CLCA4: variants seen among roughly 807,000 people sequenced by gnomAD.
CLCA4 encodes chloride channel accessory 4.
CLCA4 carries 69 observed loss-of-function variants against 78.9 expected under a neutral mutation model. The observed-to-expected ratio is 0.87, with a 90% CI of 0.72 to 1.07. CLCA4 has a LOEUF of 1.07. Among genes scored for constraint, CLCA4 ranks in the 50% least tolerant of loss-of-function variants. The pLI is 0.00. For missense variants in CLCA4, 1,133 were observed against 1,095.8 expected (o/e 1.03, Z -0.48); for synonymous variants, 362 against 375.8 (o/e 0.96, Z 0.42).
rs1447870863 is a variant in CLCA4 at position 86,574,742 on chromosome 1, C to T, written c.1670C>T (p.Pro557Leu). 4 of 1,611,744 alleles carry T rather than the reference C, an allele frequency of 2.5e-6. No individual in the cohort carries two copies. Among genetic ancestry groups the T allele is most frequent in the Non-Finnish European group, 3.4e-6 (4 of 1,178,250 alleles). Reference sequence around the variant, plus strand: ...TCCAAAATGGCCTATCTCAGTATTCCAGGAACTGCAAAGGTAAGCAATCAG... The same window carrying T: ...TCCAAAATGGCCTATCTCAGTATTCTAGGAACTGCAAAGGTAAGCAATCAG... ...ATSKMAYLSIPGTAKVGTWAY... is the reference protein window; with the variant it reads ...ATSKMAYLSILGTAKVGTWAY... The change falls in exon 10 of 14, where the codon CCA becomes CTA. Residue 557 changes from proline (P) to leucine (L), a missense_variant. By Grantham distance (98) the Pro-to-Leu change is moderately conservative. Transcript: ENST00000370563.
intron 6 of CLCA4, among the ~76,000 whole-genome samples, chr1:86,566,957 G>A (rs1650209889): frequency 6.6e-6 from 1 of 151,988 alleles, no homozygotes; most frequent in African/African-American, 2.4e-5. Context: ...ATGAAGCTTG[G>A]GTAAGTATTA....
chr1:86,568,640 T>C (rs1650267687), intron 7 of CLCA4, among the ~76,000 whole-genome samples: 1 of 151,944 alleles, frequency 6.6e-6, no homozygotes, highest in Non-Finnish European at 1.5e-5. Context: ...TTCTCCCCTC[T>C]TGATGCTCTG....
Position 86,565,280 on chromosome 1 carries a change from C to G in CLCA4, c.564C>G (p.Ser188=). The G allele has an allele frequency of 6.3e-7, 1 of 1,587,650 alleles. No individual in the cohort carries two copies. The highest frequency in any genetic ancestry group is 1.7e-4 in the Middle Eastern group (1 of 5,920). The part of the protein sequence containing the change: ...KSKKIEATRC[S]AGISGRNRVY... ...AACTGTCATATATTTTCAGGTGTTC[C>G]GCAGGTATCTCTGGTAGAAATAGAG... The change falls in exon 5 of 14, where the codon TCC becomes TCG. Residue 188 remains serine, a synonymous_variant. Coordinates refer to ENST00000370563, the MANE Select transcript of CLCA4 (RefSeq NM_012128.4).
chr1:86,549,468 G>A (rs1649594367), intron 1 of CLCA4, among the ~76,000 whole-genome samples: 1 of 152,158 alleles, frequency 6.6e-6, no homozygotes, highest in Admixed American at 6.6e-5. Context: ...TCTCATGCAT[G>A]TTCAGGAATC....
At chr1:86,551,497 T>C (rs1217752125) in intron 1 of CLCA4, among the ~76,000 whole-genome samples, 1 of 152,136 alleles carries the variant, frequency 6.6e-6, no homozygotes, top group African/African-American at 2.4e-5. Context: ...TGCAGGCACC[T>C]CCAGCTCACT....
At chr1:86,566,160 T>C in intron 6 of CLCA4, 140 bp downstream of exon 6, 1 of 567,408 alleles carries the variant, frequency 1.8e-6, no homozygotes, top group African/African-American at 1.9e-5. Context: ...GACTTCAAGA[T>C]ACTGCAGCAA....
chr1:86,560,963 A>C (rs182785287), intron 3 of CLCA4, among the ~76,000 whole-genome samples: 1 of 152,346 alleles, frequency 6.6e-6, no homozygotes, highest in African/African-American at 2.4e-5. Context: ...CTTTACAGAC[A>C]AAAATGCAAA....
At chr1:86,548,434 A>T (rs907499364) in intron 1 of CLCA4, among the ~76,000 whole-genome samples, 2 of 151,980 alleles carry the variant, frequency 1.3e-5, no homozygotes, top group African/African-American at 4.8e-5. Flanking sequence ...TGTAATCTGA[A>T]CACTTTGGGA....
At chr1:86,550,726 A>G (rs1340439346) in intron 1 of CLCA4, among the ~76,000 whole-genome samples, 1 of 151,976 alleles carries the variant, frequency 6.6e-6, no homozygotes, top group Non-Finnish European at 1.5e-5. Flanking sequence ...TGGGTGACAG[A>G]GCAAGACTCT....
intron 1 of CLCA4, among the ~76,000 whole-genome samples, chr1:86,557,340 G>A (rs745358826): frequency 6.6e-6 from 1 of 152,062 alleles, no homozygotes; most frequent in Admixed American, 6.6e-5. Flanking sequence ...TTTGATGTGG[G>A]TATTTAATGC....
intron 1 of CLCA4, among the ~76,000 whole-genome samples, chr1:86,550,572 T>A (rs998483635): frequency 6.6e-6 from 1 of 151,754 alleles, no homozygotes; most frequent in Non-Finnish European, 1.5e-5. Context: ...ATAATCCACA[T>A]TTTACAGAAG....
Position 86,559,982 on chromosome 1 carries a change from A to T in CLCA4, c.210A>T (p.Arg70Ser), listed in dbSNP as rs748971781. ...STYLFEATEKRFFFKNVSILI... is the reference protein window; with the variant it reads ...STYLFEATEKSFFFKNVSILI... ...ACCTGTTTGAAGCCACAGAAAAAAGATTTTTTTTCAAAAATGTATCTATAT... is the reference window on the plus strand; with the variant it reads ...ACCTGTTTGAAGCCACAGAAAAAAGTTTTTTTTTCAAAAATGTATCTATAT... Residue 70 changes from arginine to serine, a missense_variant, in exon 2 of 14, where the codon AGA becomes AGT. By Grantham distance (110) the Arg-to-Ser change is moderately radical. Transcript: ENST00000370563. 2.5e-6 allele frequency: 4 copies of T among 1,607,998 alleles called. No individual in the cohort carries two copies. Among genetic ancestry groups the T allele is most frequent in the Non-Finnish European group, 2.5e-6 (3 of 1,177,094 alleles).
chr1:86,568,232 T>C (rs1338441840), intron 7 of CLCA4, among the ~76,000 whole-genome samples: 1 of 151,634 alleles, frequency 6.6e-6, no homozygotes, highest in Non-Finnish European at 1.5e-5. Flanking sequence ...TCTTAGTGAC[T>C]TACCTATACA....
Position 86,560,064 on chromosome 1 carries a change from C to T in CLCA4, c.292C>T (p.His98Tyr), listed in dbSNP as rs1649969343. Reference sequence around the variant, plus strand: ...GTACAAAAGGCCAAAACATGAAAACCATAAACATGTAAGTGTCGAAATATT... The same window carrying T: ...GTACAAAAGGCCAAAACATGAAAACTATAAACATGTAAGTGTCGAAATATT... ...PQYKRPKHENHKHADVIVAPP... is the reference protein window; with the variant it reads ...PQYKRPKHENYKHADVIVAPP... Residue 98 changes from histidine (H) to tyrosine (Y), a missense_variant, in exon 2 of 14, where the codon CAT (histidine) becomes TAT (tyrosine). Physicochemically the swap from His to Tyr is moderately conservative, Grantham distance 83. Transcript: ENST00000370563. 3 of 1,588,000 alleles carry T rather than the reference C, an allele frequency of 1.9e-6. No individual in the cohort carries two copies. The highest frequency in any genetic ancestry group is 2.6e-6 in the Non-Finnish European group (3 of 1,172,366).
At chr1:86,549,539 C>T (rs2101786478) in intron 1 of CLCA4, among the ~76,000 whole-genome samples, 1 of 152,310 alleles carries the variant, frequency 6.6e-6, no homozygotes, top group South Asian at 2.1e-4. Flanking sequence ...CCTCTATAAA[C>T]TCTGTGGCAG....
chr1:86,564,328 G>A (rs1007172641), intron 4 of CLCA4, among the ~76,000 whole-genome samples: 1 of 152,108 alleles, frequency 6.6e-6, no homozygotes, highest in African/African-American at 2.4e-5. Context: ...TGTCCTGCTG[G>A]GGCGTGGGAC....
In CLCA4 at chr1:86,576,091, C is replaced by G. The variant is rs993403649; in HGVS notation, c.1951+492C>G. Among the ~76,000 whole-genome samples the G allele has an allele frequency of 2.0e-5, 3 of 152,122 alleles. No individual in the cohort carries two copies. The South Asian group carries it at 6.2e-4, about 32-fold the overall frequency. ...TGGGCAACAGAGAAAGACTCCGTCT[C>G]AACGACAACAAAAATACCCAATAAA... On this transcript the variant is annotated intron_variant, in intron 11 of 13. Transcript: ENST00000370563.
At chr1:86,554,640 G>C (rs1649776960) in intron 1 of CLCA4, among the ~76,000 whole-genome samples, 1 of 152,176 alleles carries the variant, frequency 6.6e-6, no homozygotes, top group Non-Finnish European at 1.5e-5. Flanking sequence ...ATTGTGAATA[G>C]TGCTGCTACA....
chr1:86,560,302 T>A lies in CLCA4; in HGVS notation c.392T>A (p.Ile131Asn). The A allele has an allele frequency of 6.2e-7, 1 of 1,614,004 alleles. No homozygotes were observed. The highest frequency in any genetic ancestry group is 8.5e-7 in the Non-Finnish European group (1 of 1,179,924). The change falls in exon 3 of 14, where the codon ATT (isoleucine) becomes AAT (asparagine). Residue 131 changes from isoleucine to asparagine, a missense_variant. Transcript: ENST00000370563. ...GAATGTGGAGAGAAAGGCGAATACATTCACTTCACCCCTGACCTTCTACTT... is the reference window on the plus strand; with the variant it reads ...GAATGTGGAGAGAAAGGCGAATACAATCACTTCACCCCTGACCTTCTACTT... ...FTECGEKGEY[I>N]HFTPDLLLGK... is the part of the protein sequence containing the mutation.
Sources: allele counts gnomAD v4.1 joint callset (sites outside exome capture counted in the v4.1 genomes callset), GRCh38; gene constraint gnomAD v4.1.1; transcripts MANE v1.5; gene names NCBI Gene and HGNC (gene_info 2026-07-23, HGNC 2026-07-21).